Variants in TRIM2 observed in about 807,000 individuals in gnomAD.
TRIM2 encodes the protein tripartite motif containing 2.
In TRIM2, 20 loss-of-function variants were observed where a neutral mutation model predicts 75.2. The ratio of observed to expected loss-of-function variants is 0.27; its 90% CI spans 0.19 to 0.39. The LOEUF (loss-of-function observed/expected upper bound fraction) is 0.39, where lower values mean the gene tolerates loss of function less well. TRIM2 is among the 10% of genes least tolerant of loss of function. The pLI is 1.00. For synonymous variants in TRIM2, 373 were observed against 388.3 expected, an observed-to-expected ratio of 0.96 and a Z score of 0.46; for missense variants, 660 against 990.8, an observed-to-expected ratio of 0.67 and a Z score of 4.48.
chr4:153,313,024 C>T (rs1266486205), intron 6 of TRIM2, among the ~76,000 whole-genome samples: 2 of 152,066 alleles, frequency 1.3e-5, no homozygotes, highest in South Asian at 2.1e-4. Context: ...ATATAAGCAA[C>T]GTTAGACAAA....
chr4:153,338,254 C>T lies in TRIM2; in HGVS notation c.*3288C>T, dbSNP rs892193275. 14 of 985,666 alleles carry T rather than the reference C, an allele frequency of 1.4e-5. No homozygotes were observed. The highest frequency in any genetic ancestry group is 1.7e-5 in the African/African-American group (1 of 57,210). The allele number at this position is 985,666 out of a possible 1,614,324, so 61.1% of individuals were successfully genotyped here. A position where few individuals can be genotyped will look rare whatever the true frequency, so the allele number is the denominator to read the frequency against. On this transcript the variant is annotated 3_prime_UTR_variant, in exon 12 of 12. Coordinates refer to ENST00000338700, the MANE Select transcript of TRIM2 (RefSeq NM_015271.5). Reference sequence around the variant, plus strand: ...AACAGAAATGCTTTGGTAATACCTACTTAGTTAATTGGAGGAAGTAGTAAA... The same window carrying T: ...AACAGAAATGCTTTGGTAATACCTATTTAGTTAATTGGAGGAAGTAGTAAA...
chr4:153,266,510 T>G (rs906547085), intron 1 of TRIM2, among the ~76,000 whole-genome samples: 4 of 152,006 alleles, frequency 2.6e-5, no homozygotes, highest in Non-Finnish European at 4.4e-5. Context: ...GCCCAGCTAA[T>G]TTTTATATTT....
intron 1 of TRIM2, among the ~76,000 whole-genome samples, chr4:153,168,634 T>C (rs1176460656): frequency 6.8e-6 from 1 of 146,788 alleles, no homozygotes; most frequent in Non-Finnish European, 1.5e-5. Flanking sequence ...TTTTCTCAAA[T>C]AAAACCAGTT....
intron 6 of TRIM2, among the ~76,000 whole-genome samples, 183 bp from the exon 7 acceptor site, chr4:153,315,302 C>T (rs375020347): frequency 5.9e-5 from 9 of 152,060 alleles, no homozygotes; most frequent in African/African-American, 2.2e-4. Flanking sequence ...AGACTGTTGT[C>T]AGGAAGAGAG....
chr4:153,244,278 TC>T (rs1560873255), intron 1 of TRIM2, among the ~76,000 whole-genome samples: 6 of 16,172 alleles, frequency 3.7e-4, no homozygotes, highest in African/African-American at 2.0e-3. Context: ...CTCCTCCTCC[TC>T]CTCCTCCTCC....
At position 153,336,382 on chromosome 4, in the gene TRIM2, A is replaced by G; in HGVS notation, c.*1416A>G. 1 of 985,006 alleles carries G rather than the reference A, an allele frequency of 1.0e-6. No individual in the cohort carries two copies. Among genetic ancestry groups the G allele is most frequent in the Non-Finnish European group, 1.2e-6 (1 of 829,558 alleles). The allele number at this position is 985,006 out of a possible 1,614,324, so 61.0% of individuals were successfully genotyped here. A position where few individuals can be genotyped will look rare whatever the true frequency, so the allele number is the denominator to read the frequency against. ...AACAAAAAAAAAACCACACACACACATAAAAAACCCAACAGGTCAAAATAA... is the reference window on the plus strand; with the variant it reads ...AACAAAAAAAAAACCACACACACACGTAAAAAACCCAACAGGTCAAAATAA... On this transcript the variant is annotated 3_prime_UTR_variant, in exon 12 of 12. Transcript: ENST00000338700.
intron 8 of TRIM2, among the ~76,000 whole-genome samples, chr4:153,322,399 A>G (rs551357037): frequency 2.0e-5 from 3 of 152,328 alleles, no homozygotes; most frequent in African/African-American, 7.2e-5. Context: ...CAACAGAATG[A>G]GACTTCGTCT....
chr4:153,252,912 ATAT>A (rs1435136877), intron 1 of TRIM2, among the ~76,000 whole-genome samples: 1 of 152,208 alleles, frequency 6.6e-6, no homozygotes, highest in East Asian at 1.9e-4. Context: ...CCTTTATGTC[ATAT>A]TATGTCATTT....
At chr4:153,204,182 T>TG (rs1579512907), upstream of TRIM2, among the ~76,000 whole-genome samples, 1 of 152,304 alleles carries the variant, frequency 6.6e-6, no homozygotes, top group East Asian at 1.9e-4. Flanking sequence ...TTCCTGAAAT[T>TG]GGTCTTCTGT....
At chr4:153,265,341 T>C (rs1754691375) in intron 1 of TRIM2, among the ~76,000 whole-genome samples, 1 of 151,800 alleles carries the variant, frequency 6.6e-6, no homozygotes, top group South Asian at 2.1e-4. Context: ...TTTTTGTGTT[T>C]TTTTTTGTTA....
intron 1 of TRIM2, among the ~76,000 whole-genome samples, chr4:153,193,127 C>CTTT (rs141233060): frequency 0.012 from 1,259 of 106,610 alleles, 86 homozygotes; most frequent in African/African-American, 0.042. Context: ...AGTGAATAAT[C>CTTT]TTTTTTTTTT....
At chr4:153,244,414 C>A (rs1245778204) in intron 1 of TRIM2, among the ~76,000 whole-genome samples, 1 of 97,454 alleles carries the variant, frequency 1.0e-5, no homozygotes, top group South Asian at 2.9e-4. Flanking sequence ...TCTTCTTCTT[C>A]TTCTTCTTCT....
rs1032100878 is a variant in TRIM2 at position 153,285,763 on chromosome 4, G to A, written c.454-7219G>A. Among the ~76,000 whole-genome samples, 24 of 89,736 alleles carry A rather than the reference G, an allele frequency of 2.7e-4. No individual in the cohort carries two copies. The Admixed American group carries it at 2.7e-3, about 10-fold the overall frequency. 58.9% of individuals were successfully genotyped at this position (89,736 alleles called of 152,430 possible). ...TCTAATTGTGTGAATGTGTGTGCGT[G>A]TGTGTGTGTGTGTGTGTATTCTTTA... On this transcript the variant is annotated intron_variant, in intron 3 of 11. Coordinates refer to ENST00000338700, the MANE Select transcript of TRIM2 (RefSeq NM_015271.5).
rs1213770093 is a variant in TRIM2, at chr4:153,276,125, G to A, written c.448G>A (p.Gly150Arg). Reference protein sequence around the residue: ...GKPLSCPNHDGNVMEFYCQSC... With the variant: ...GKPLSCPNHDRNVMEFYCQSC... ...GCCTCTCTCTTGCCCAAACCACGAT[G>A]GGAATGTAAGTGGCTGGGATGGCAG... The change falls in exon 3 of 12, where the codon GGG becomes AGG. Residue 150 changes from glycine (G) to arginine (R), a missense_variant. Physicochemically the swap from Gly to Arg is moderately radical, Grantham distance 125 (BLOSUM62 -2). Around this residue, in one of 2 missense-constraint regions of TRIM2, gnomAD observed 620 missense variants for 891.0 expected, o/e 0.70. Transcript: ENST00000338700. 1.9e-6 allele frequency: 3 copies of A among 1,613,718 alleles called. No individual in the cohort carries two copies. The East Asian group carries it at 6.7e-5, about 36-fold the overall frequency.
intron 1 of TRIM2, among the ~76,000 whole-genome samples, chr4:153,161,022 G>A (rs1012746766): frequency 3.3e-5 from 5 of 152,210 alleles, no homozygotes; most frequent in African/African-American, 1.2e-4. Flanking sequence ...CCCTGGGAGG[G>A]AGAGGAAGAC....
intron 1 of TRIM2, among the ~76,000 whole-genome samples, chr4:153,229,318 C>A (rs779637970): frequency 2.2e-4 from 33 of 152,170 alleles, no homozygotes; most frequent in Non-Finnish European, 4.0e-4. Flanking sequence ...GGCTGGAGTG[C>A]AGTGGTGCGA....
intron 1 of TRIM2, among the ~76,000 whole-genome samples, chr4:153,188,272 C>T (rs145939725): frequency 1.8e-4 from 27 of 152,236 alleles, no homozygotes; most frequent in African/African-American, 6.5e-4. Flanking sequence ...CCAGCCTGGG[C>T]AACATGGTGA....
chr4:153,311,700 GT>G (rs1355546988), intron 6 of TRIM2, among the ~76,000 whole-genome samples: 6 of 148,762 alleles, frequency 4.0e-5, no homozygotes, highest in African/African-American at 4.9e-5. Flanking sequence ...TCCTCATCTT[GT>G]TTAATTCCAT....
intron 1 of TRIM2, among the ~76,000 whole-genome samples, chr4:153,183,793 G>A (rs80091133): frequency 6.6e-6 from 1 of 152,130 alleles, no homozygotes; most frequent in South Asian, 2.1e-4. Context: ...TGAAGGAAAA[G>A]CTAGACCACA....
Sources: gnomAD v4.1 joint callset for allele counts (sites outside exome capture counted in the v4.1 genomes callset) on GRCh38, gnomAD v4.1.1 for gene constraint, gnomAD v4.1.1 regional missense constraint, MANE v1.5 for transcripts, NCBI Gene and HGNC (gene_info 2026-07-23, HGNC 2026-07-21) for gene names.